SLC41A1: variants seen among roughly 807,000 people sequenced by gnomAD.
SLC41A1 encodes the protein solute carrier family 41 (magnesium transporter), member 1.
A neutral mutation model predicts 47.3 loss-of-function variants in SLC41A1; 20 were observed. The observed-to-expected ratio is 0.42, with a 90% CI of 0.30 to 0.61. The LOEUF is 0.61. Ranked by LOEUF, SLC41A1 falls within the 20% of genes least tolerant of loss-of-function variation. SLC41A1 has a pLI of 0.17. For missense variants in SLC41A1, 504 were observed against 674.1 expected (o/e 0.75, Z 2.79); for synonymous variants, 282 against 272.7 (o/e 1.03, Z -0.34).
intron 3 of SLC41A1, 95 bp from the exon 4 acceptor site, chr1:205,799,925 GT>G: frequency 9.4e-7 from 1 of 1,064,058 alleles, no homozygotes; most frequent in Non-Finnish European, 1.4e-6. Flanking sequence ...GGCAGTACAT[GT>G]GGCCTAAGAC....
At chr1:205,804,712 T>G (rs1655974418) in intron 2 of SLC41A1, among the ~76,000 whole-genome samples, 1 of 152,154 alleles carries the variant, frequency 6.6e-6, no homozygotes, top group African/African-American at 2.4e-5. Flanking sequence ...CTCCCCTCCC[T>G]TGCGGGCTTT....
intron 8 of SLC41A1, chr1:205,796,409 T>C (rs1655750762): frequency 5.1e-6 from 1 of 194,206 alleles, no homozygotes; most frequent in East Asian, 1.4e-4. Flanking sequence ...TTAATGTCTT[T>C]CTTGGGAAAG....
At chr1:205,800,871 G>T in intron 3 of SLC41A1, 82 bp downstream of exon 3, 1 of 1,314,148 alleles carries the variant, frequency 7.6e-7, no homozygotes, top group Non-Finnish European at 1.1e-6. Context: ...GTGGAGAAGG[G>T]CTCGTAGCCC....
At position 205,801,065 on chromosome 1, in the gene SLC41A1, G is replaced by A. The variant is rs559222766; in HGVS notation, c.373-5C>T. On this transcript the variant is annotated splice_polypyrimidine_tract_variant and splice_region_variant and intron_variant, in intron 2 of 10. Coordinates refer to ENST00000367137, the MANE Select transcript of SLC41A1 (RefSeq NM_173854.6). ...CTTCTGGAAGACTTCCCAGTGCTAC[G>A]AGGTGAAAACAGAACCCAGGAATTT... 35 of 1,613,142 alleles carry A rather than the reference G, an allele frequency of 2.2e-5. No individual in the cohort carries two copies. The highest frequency in any genetic ancestry group is 1.5e-4 in the African/African-American group (11 of 75,026).
At chr1:205,798,452 C>T (rs1558080264) in intron 6 of SLC41A1, among the ~76,000 whole-genome samples, 1 of 152,206 alleles carries the variant, frequency 6.6e-6, no homozygotes, top group Non-Finnish European at 1.5e-5. Flanking sequence ...CAGGACCACA[C>T]AGGAATATAC....
chr1:205,797,545 T>G (rs1041393909), intron 7 of SLC41A1, among the ~76,000 whole-genome samples: 5 of 152,228 alleles, frequency 3.3e-5, no homozygotes, highest in African/African-American at 1.2e-4. Context: ...TTTGTGGAAC[T>G]GTTGGGGGAA....
intron 2 of SLC41A1, among the ~76,000 whole-genome samples, chr1:205,809,754 G>C (rs564317583): frequency 6.6e-6 from 1 of 152,138 alleles, no homozygotes; most frequent in East Asian, 1.9e-4. Context: ...AGCTGGGCTC[G>C]GCAGGACTGC....
intron 2 of SLC41A1, among the ~76,000 whole-genome samples, chr1:205,809,462 G>A (rs557953022): frequency 3.3e-5 from 5 of 152,296 alleles, no homozygotes; most frequent in African/African-American, 1.2e-4. Flanking sequence ...GCACATTTGG[G>A]TCTTGTTACA....
chr1:205,803,924 G>T (rs889634741), intron 2 of SLC41A1, among the ~76,000 whole-genome samples: 1 of 152,046 alleles, frequency 6.6e-6, no homozygotes. Flanking sequence ...CCCAGCCTAA[G>T]TAGTCAAATT....
rs368353061 is a variant in SLC41A1 at position 205,799,791 on chromosome 1, G to A, written c.520C>T (p.Arg174Trp). 3.5e-5 allele frequency: 57 copies of A among 1,613,984 alleles called. No homozygotes were observed. Among genetic ancestry groups the A allele is most frequent in the Non-Finnish European group, 4.4e-5 (52 of 1,179,988 alleles). The change falls in exon 4 of 11, where the codon CGG becomes TGG. Residue 174 changes from arginine (R) to tryptophan (W), a missense_variant. Around this residue, in one of 2 missense-constraint regions of SLC41A1, gnomAD observed 421 missense variants for 601.6 expected, o/e 0.70. Transcript: ENST00000367137. ...GHMDTPKELW[R>W]MITGNMALIQ... Reference sequence around the variant, plus strand: ...AGGGCCATGTTCCCAGTGATCATCCGCCAGAGCTCCTTGGGTGTGTCCATG... The same window carrying A: ...AGGGCCATGTTCCCAGTGATCATCCACCAGAGCTCCTTGGGTGTGTCCATG...
intron 2 of SLC41A1, among the ~76,000 whole-genome samples, chr1:205,802,743 A>ATAAAATAAAAT (rs1487825792): frequency 2.0e-5 from 3 of 151,124 alleles, no homozygotes; most frequent in African/African-American, 7.3e-5. Context: ...ATAAAATAAA[A>ATAAAATAAAAT]TAAAATAAAA....
intron 1 of SLC41A1, among the ~76,000 whole-genome samples, chr1:205,811,542 G>T (rs1656154497): frequency 6.6e-6 from 1 of 152,242 alleles, no homozygotes; most frequent in Non-Finnish European, 1.5e-5. Flanking sequence ...TAAAGTGACT[G>T]CTTATCATCA....
chr1:205,795,892 A>G (rs1459970108), intron 8 of SLC41A1: 4 of 328,680 alleles, frequency 1.2e-5, no homozygotes, highest in East Asian at 7.9e-5. Context: ...CTCCTCTCCA[A>G]TGCTCTGAGC....
chr1:205,795,605 G>A, intron 8 of SLC41A1, 127 bp from the exon 9 acceptor site: 2 of 1,213,766 alleles, frequency 1.6e-6, no homozygotes, highest in Non-Finnish European at 2.4e-6. Context: ...TAGGGTCTAT[G>A]TGGGCATCAC....
chr1:205,812,986 T>C lies in SLC41A1; in HGVS notation c.-825A>G. ...CGTCCAGCCGCGACACCCGGCTCGCTACATTTCGCTTCTGCGTTACAGCGA... is the reference window on the plus strand; with the variant it reads ...CGTCCAGCCGCGACACCCGGCTCGCCACATTTCGCTTCTGCGTTACAGCGA... On this transcript the variant is annotated 5_prime_UTR_variant, in exon 1 of 11. It removes the in-frame stop codon of an upstream open reading frame in the 5' UTR. Transcript: ENST00000367137. 1.0e-6 allele frequency: 1 copy of C among 985,788 alleles called. No homozygotes were observed. The highest frequency in any genetic ancestry group is 1.2e-6 in the Non-Finnish European group (1 of 830,240). 61.1% of individuals were successfully genotyped at this position (985,788 alleles called of 1,614,324 possible).
chr1:205,809,984 G>A, intron 2 of SLC41A1, 86 bp downstream of exon 2: 1 of 1,579,996 alleles, frequency 6.3e-7, no homozygotes, highest in Middle Eastern at 2.0e-4. Flanking sequence ...ACTTCTGACA[G>A]GGAGGTAGAG....
intron 10 of SLC41A1, among the ~76,000 whole-genome samples, chr1:205,793,549 C>T (rs138930255): frequency 2.2e-3 from 342 of 152,302 alleles, no homozygotes; most frequent in South Asian, 0.014. Context: ...CCAAGATGTC[C>T]GAACACAACC....
In SLC41A1 at chr1:205,789,554, G is replaced by C. The variant is rs186068484; in HGVS notation, c.*1979C>G. 6.6e-6 allele frequency: 1 copy of C among 152,272 alleles called. No individual in the cohort carries two copies. Among genetic ancestry groups the C allele is most frequent in the East Asian group, 1.9e-4 (1 of 5,196 alleles). The allele number at this position is 152,272 out of a possible 1,614,324, so 9.4% of individuals were successfully genotyped here. On this transcript the variant is annotated 3_prime_UTR_variant, in exon 11 of 11. Transcript: ENST00000367137. Reference sequence around the variant, plus strand: ...CTGTACAAGAAGAATCTGTGTGTAAGTATTTTTTGAGGTGGAGGAAAAGAT... The same window carrying C: ...CTGTACAAGAAGAATCTGTGTGTAACTATTTTTTGAGGTGGAGGAAAAGAT...
At position 205,810,802 on chromosome 1, in the gene SLC41A1, G is replaced by A; in HGVS notation, c.-361C>T. 3.3e-6 allele frequency: 1 copy of A among 302,644 alleles called. No homozygotes were observed. Among genetic ancestry groups the A allele is most frequent in the South Asian group, 3.5e-5 (1 of 28,436 alleles). 18.7% of individuals were successfully genotyped at this position (302,644 alleles called of 1,614,324 possible). Reference sequence around the variant, plus strand: ...CTCAGAGCAGGGGGCATCCAGAGTAGAAGAGCTCAACCAAATTCTGGGGTG... The same window carrying A: ...CTCAGAGCAGGGGGCATCCAGAGTAAAAGAGCTCAACCAAATTCTGGGGTG... On this transcript the variant is annotated 5_prime_UTR_variant, in exon 2 of 11. Coordinates refer to ENST00000367137, the MANE Select transcript of SLC41A1 (RefSeq NM_173854.6). This position sits in a 1 kb window ranked among gnomAD's most constrained non-coding sequence, Gnocchi z 5.5.
Sources: gnomAD v4.1 joint callset for allele counts (sites outside exome capture counted in the v4.1 genomes callset) on GRCh38, gnomAD v4.1.1 for gene constraint, gnomAD v4.1.1 regional missense constraint, Gnocchi (gnomAD v3.1) non-coding constraint, MANE v1.5 for transcripts, NCBI Gene and HGNC (gene_info 2026-07-23, HGNC 2026-07-21) for gene names.